LRRTM4: variants seen among roughly 807,000 people sequenced by gnomAD.
LRRTM4 encodes the protein leucine rich repeat transmembrane neuronal 4.
In LRRTM4, 25 loss-of-function variants were observed where a neutral mutation model predicts 47.6. The observed-to-expected ratio is 0.53, with a 90% CI of 0.38 to 0.73. The LOEUF (loss-of-function observed/expected upper bound fraction) is 0.73, where lower values mean the gene tolerates loss of function less well. Among genes scored for constraint, LRRTM4 ranks in the 30% least tolerant of loss-of-function variants. The probability of loss-of-function intolerance (pLI) is 0.00; values close to 1 mark genes in which losing one functional copy is unlikely to be tolerated. For synonymous variants in LRRTM4, 311 were observed against 269.5 expected (o/e 1.15, Z -1.51); for missense variants, 638 against 713.4 (o/e 0.89, Z 1.20).
chr2:76,968,495 T>C (rs570130600), intron 3 of LRRTM4, among the ~76,000 whole-genome samples: 72 of 150,654 alleles, frequency 4.8e-4, no homozygotes, highest in Non-Finnish European at 9.0e-4. Flanking sequence ...TACCTATCTA[T>C]TTGTATTCTC....
At chr2:76,812,705 T>C in intron 3 of LRRTM4, among the ~76,000 whole-genome samples, 1 of 151,034 alleles carries the variant, frequency 6.6e-6, no homozygotes, top group East Asian at 2.0e-4. Flanking sequence ...CTTTTCTTTC[T>C]TTATTTCTTT....
intron 3 of LRRTM4, among the ~76,000 whole-genome samples, chr2:76,840,125 A>G (rs1020513562): frequency 6.6e-6 from 1 of 152,192 alleles, no homozygotes; most frequent in Admixed American, 6.6e-5. Flanking sequence ...CCTTGGAAAA[A>G]TGAATTTTCT....
chr2:77,092,078 C>T (rs963301792), intron 3 of LRRTM4, among the ~76,000 whole-genome samples: 5 of 152,150 alleles, frequency 3.3e-5, no homozygotes, highest in Non-Finnish European at 7.3e-5. Flanking sequence ...ACAAACTGTG[C>T]TCAACTCACT....
At chr2:77,113,097 G>A (rs1360161941) in intron 3 of LRRTM4, among the ~76,000 whole-genome samples, 2 of 152,008 alleles carry the variant, frequency 1.3e-5, no homozygotes, top group Non-Finnish European at 2.9e-5. Context: ...TACTTGTTCC[G>A]TGGTAACAGC....
At chr2:76,913,022 G>T (rs1040886481) in intron 3 of LRRTM4, among the ~76,000 whole-genome samples, 1 of 152,034 alleles carries the variant, frequency 6.6e-6, no homozygotes, top group Non-Finnish European at 1.5e-5. Flanking sequence ...CTGATATAGG[G>T]GTCCATTTTC....
chr2:76,886,727 A>T (rs1259638476), intron 3 of LRRTM4, among the ~76,000 whole-genome samples: 1 of 152,056 alleles, frequency 6.6e-6, no homozygotes, highest in African/African-American at 2.4e-5. Flanking sequence ...GGCTGAAAAA[A>T]ATTAATGAAG....
chr2:77,045,409 T>A (rs527799330), intron 3 of LRRTM4, among the ~76,000 whole-genome samples: 2 of 152,020 alleles, frequency 1.3e-5, no homozygotes, highest in African/African-American at 4.8e-5. Flanking sequence ...CCCCTGCAAA[T>A]TCAATCATTA....
chr2:77,217,393 A>T, intron 3 of LRRTM4, among the ~76,000 whole-genome samples: 1 of 121,110 alleles, frequency 8.3e-6, no homozygotes, highest in African/African-American at 3.4e-5. Context: ...ATATTAATTA[A>T]TTATATTAAT....
intron 3 of LRRTM4, among the ~76,000 whole-genome samples, chr2:76,902,327 TA>T (rs1188690086): frequency 6.6e-6 from 1 of 152,194 alleles, no homozygotes; most frequent in Non-Finnish European, 1.5e-5. Flanking sequence ...TATCTTTTTT[TA>T]AAATTAAATA....
chr2:77,242,140 T>C (rs1675285045), intron 3 of LRRTM4, among the ~76,000 whole-genome samples: 1 of 152,184 alleles, frequency 6.6e-6, no homozygotes, highest in African/African-American at 2.4e-5. Context: ...AGATTCCATA[T>C]AAATTTTATG....
chr2:76,952,323 C>A (rs1675524688), intron 3 of LRRTM4, among the ~76,000 whole-genome samples: 1 of 151,796 alleles, frequency 6.6e-6, no homozygotes, highest in Non-Finnish European at 1.5e-5. Context: ...ATATCCAGAA[C>A]CTATGAGGAA....
At chr2:76,800,805 A>G (rs1374374482) in intron 3 of LRRTM4, among the ~76,000 whole-genome samples, 2 of 148,084 alleles carry the variant, frequency 1.4e-5, no homozygotes, top group Non-Finnish European at 3.0e-5. Flanking sequence ...ACATGAACAG[A>G]CACTTCTCAA....
chr2:77,234,923 A>G (rs1020995021), intron 3 of LRRTM4, among the ~76,000 whole-genome samples: 27 of 152,076 alleles, frequency 1.8e-4, no homozygotes, highest in African/African-American at 6.0e-4. Context: ...TATTGTTGCC[A>G]TCTTTACATC....
intron 3 of LRRTM4, among the ~76,000 whole-genome samples, chr2:76,986,908 CATGGTA>C (rs1435600487): frequency 6.6e-6 from 1 of 151,894 alleles, no homozygotes; most frequent in Non-Finnish European, 1.5e-5. Flanking sequence ...CTTCAATTTG[CATGGTA>C]ACTGATAGAA....
chr2:77,057,860 C>T (rs892476955), intron 3 of LRRTM4, among the ~76,000 whole-genome samples: 1 of 152,090 alleles, frequency 6.6e-6, no homozygotes, highest in Non-Finnish European at 1.5e-5. Context: ...GAATAAGATT[C>T]ATCATAACCC....
At chr2:76,871,554 T>G (rs1672624216) in intron 3 of LRRTM4, among the ~76,000 whole-genome samples, 4 of 152,166 alleles carry the variant, frequency 2.6e-5, no homozygotes, top group African/African-American at 9.6e-5. Flanking sequence ...TGTACATTTG[T>G]ATGGTAGACA....
At chr2:76,767,199 C>A (rs1405609390) in intron 3 of LRRTM4, among the ~76,000 whole-genome samples, 1 of 152,168 alleles carries the variant, frequency 6.6e-6, no homozygotes, top group East Asian at 1.9e-4. Flanking sequence ...GGCATTCTGA[C>A]TGACATGTAA....
chr2:77,500,628 C>T (rs1012935615), intron 3 of LRRTM4, among the ~76,000 whole-genome samples: 2 of 151,496 alleles, frequency 1.3e-5, no homozygotes, highest in African/African-American at 4.8e-5. Context: ...TGAAAATCAA[C>T]ATAAGTAAGT....
intron 3 of LRRTM4, among the ~76,000 whole-genome samples, chr2:77,211,699 T>C (rs1306414916): frequency 6.6e-6 from 1 of 152,176 alleles, no homozygotes; most frequent in African/African-American, 2.4e-5. Context: ...ATCAATTTAA[T>C]GCCAGTGAAG....
Sources: allele counts gnomAD v4.1 joint callset (sites outside exome capture counted in the v4.1 genomes callset), GRCh38; gene constraint gnomAD v4.1.1; transcripts MANE v1.5; gene names NCBI Gene and HGNC (gene_info 2026-07-23, HGNC 2026-07-21).